PIWIL1: variants seen among roughly 807,000 people sequenced by gnomAD.
The protein encoded by PIWIL1 is piwi-like protein 1.
PIWIL1 carries 73 observed loss-of-function variants against 114.4 expected under a neutral mutation model. The ratio of observed to expected loss-of-function variants is 0.64; its 90% confidence interval spans 0.53 to 0.78. The LOEUF is 0.78. Among genes scored for constraint, PIWIL1 ranks in the 30% least tolerant of loss-of-function variants. The probability of loss-of-function intolerance (pLI) is 0.00; values close to 1 mark genes in which losing one functional copy is unlikely to be tolerated. For missense variants in PIWIL1, 723 were observed against 1,063.1 expected (o/e 0.68, Z 4.45); for synonymous variants, 375 against 369.0 (o/e 1.02, Z -0.19).
At chr12:130,414,268 C>T in the PIWIL1 span, 1 of 1,609,688 alleles carries the variant, frequency 6.2e-7, no homozygotes, top group Non-Finnish European at 8.5e-7. Flanking sequence ...TCTGACTCTT[C>T]ATAGAAGTCT....
At chr12:130,421,618 G>T in the PIWIL1 span, among the ~76,000 whole-genome samples, 1 of 152,038 alleles carries the variant, frequency 6.6e-6, no homozygotes. Flanking sequence ...TCCTCCTTGA[G>T]CCCTGTCATG....
At chr12:130,367,359 T>C (rs1441861302) in intron 19 of PIWIL1, 101 bp downstream of exon 19, 1 of 1,132,826 alleles carries the variant, frequency 8.8e-7, no homozygotes, top group Non-Finnish European at 1.2e-6. Flanking sequence ...TTACTTTTGT[T>C]CTTATATTTT....
At chr12:130,415,762 TTA>T in the PIWIL1 span, among the ~76,000 whole-genome samples, 5 of 152,154 alleles carry the variant, frequency 3.3e-5, no homozygotes, top group African/African-American at 1.2e-4. Context: ...AGAAGTCAAA[TTA>T]TCTCTCTTCA....
At chr12:130,410,176 C>A in the PIWIL1 span, among the ~76,000 whole-genome samples, 1 of 152,212 alleles carries the variant, frequency 6.6e-6, no homozygotes, top group Non-Finnish European at 1.5e-5. Flanking sequence ...TTGCCACCCA[C>A]ATATCGTCTT....
intron 3 of PIWIL1, among the ~76,000 whole-genome samples, chr12:130,343,666 C>T (rs1427346634): frequency 4.9e-5 from 7 of 142,136 alleles, no homozygotes; most frequent in Admixed American, 3.0e-4. Context: ...CACTCTGTCT[C>T]CCAGGCTGGA....
intron 3 of PIWIL1, 43 bp downstream of exon 3, chr12:130,343,144 A>G (rs2072972032): frequency 1.5e-6 from 2 of 1,331,160 alleles, no homozygotes; most frequent in East Asian, 2.4e-5. Context: ...TCTGTTCAAC[A>G]TATACAGCAA....
chr12:130,350,023 C>A (rs1255958563), intron 9 of PIWIL1, 56 bp downstream of exon 9: 1 of 957,690 alleles, frequency 1.0e-6, no homozygotes, highest in South Asian at 1.5e-5. Flanking sequence ...TGGTAGAATT[C>A]TCTAACACTT....
rs767593838 is a variant in PIWIL1 at position 130,348,094 on chromosome 12, C to A, written c.654-9C>A. The A allele has an allele frequency of 6.4e-7, 1 of 1,566,130 alleles. No homozygotes were observed. Among genetic ancestry groups the A allele is most frequent in the Non-Finnish European group, 8.8e-7 (1 of 1,137,692 alleles). ...ATCAATATTCACTCTCTGACCTTTCCATTTCTAGGCTTTTGAAAATCATGA... is the reference window on the plus strand; with the variant it reads ...ATCAATATTCACTCTCTGACCTTTCAATTTCTAGGCTTTTGAAAATCATGA... On this transcript the variant is annotated splice_polypyrimidine_tract_variant and intron_variant, in intron 6 of 20. Coordinates refer to ENST00000245255, the MANE Select transcript of PIWIL1 (RefSeq NM_004764.5).
At chr12:130,356,285 ATTT>A (rs200936813) in intron 12 of PIWIL1, among the ~76,000 whole-genome samples, 1 of 141,734 alleles carries the variant, frequency 7.1e-6, no homozygotes, top group Non-Finnish European at 1.6e-5. Flanking sequence ...CAACATTTTC[ATTT>A]TTTTTTTTTT....
chr12:130,394,285 T>A, the PIWIL1 span, among the ~76,000 whole-genome samples: 1 of 152,340 alleles, frequency 6.6e-6, no homozygotes, highest in East Asian at 1.9e-4. Flanking sequence ...TGAGAGGGGC[T>A]GCAGGAAGGG....
chr12:130,386,506 AC>A, the PIWIL1 span, among the ~76,000 whole-genome samples: 1 of 25,746 alleles, frequency 3.9e-5, no homozygotes, highest in Non-Finnish European at 7.3e-5. Flanking sequence ...CATGCACACT[AC>A]CCCCTTCCTG....
At chr12:130,422,339 T>A in the PIWIL1 span, 1 of 614,498 alleles carries the variant, frequency 1.6e-6, no homozygotes, top group Non-Finnish European at 2.9e-6. This position sits in a 1 kb window ranked among gnomAD's most constrained non-coding sequence, Gnocchi z 5.2. Context: ...TGAATAACAG[T>A]GTTCTTTGCT....
intron 4 of PIWIL1, 147 bp downstream of exon 4, chr12:130,346,025 A>G (rs2073059912): frequency 2.7e-6 from 2 of 732,068 alleles, no homozygotes; most frequent in South Asian, 2.1e-5. Context: ...TTGATGAAGT[A>G]GGTTATAGAT....
chr12:130,371,907 G>A lies in PIWIL1; in HGVS notation c.*309G>A, dbSNP rs956739173. 3 of 172,102 alleles carry A rather than the reference G, an allele frequency of 1.7e-5. No individual in the cohort carries two copies. The highest frequency in any genetic ancestry group is 3.7e-5 in the Non-Finnish European group (3 of 81,452). The allele number at this position is 172,102 out of a possible 1,614,324, so 10.7% of individuals were successfully genotyped here. The stretch of plus-strand genomic sequence containing the variant: ...GACTCTCTGAGAGTATTTGAAATGT[G>A]TTTGGAGATTTACTTAAACGTACTT... On this transcript the variant is annotated 3_prime_UTR_variant, in exon 21 of 21. Coordinates refer to ENST00000245255, the MANE Select transcript of PIWIL1 (RefSeq NM_004764.5).
the PIWIL1 span, among the ~76,000 whole-genome samples, chr12:130,392,514 T>G: frequency 1.1e-3 from 33 of 29,632 alleles, 6 homozygotes; most frequent in East Asian, 2.1e-3. Context: ...CAGTTACCTG[T>G]TGAATATTGA....
At chr12:130,414,013 G>A in the PIWIL1 span, 33 of 1,167,704 alleles carry the variant, frequency 2.8e-5, no homozygotes, top group Non-Finnish European at 4.1e-5. Context: ...CTCGCCCATG[G>A]CCTGCAGGAG....
chr12:130,376,136 A>G (rs1004162619), downstream of PIWIL1, among the ~76,000 whole-genome samples: 1 of 152,102 alleles, frequency 6.6e-6, no homozygotes, highest in African/African-American at 2.4e-5. Context: ...CACTCACATC[A>G]TCAGCTGTCT....
chr12:130,354,786 T>C (rs1405283614), intron 10 of PIWIL1, 102 bp from the exon 11 acceptor site: 1 of 1,430,446 alleles, frequency 7.0e-7, no homozygotes, highest in East Asian at 2.3e-5. Context: ...TTAAAACTGC[T>C]TTGTCTCCTG....
intron 1 of PIWIL1, chr12:130,342,304 T>C (rs1461674365): frequency 2.3e-6 from 1 of 438,908 alleles, no homozygotes; most frequent in African/African-American, 2.0e-5. Flanking sequence ...CTAAGTCTGT[T>C]TATAATAAAT....
Sources: allele counts gnomAD v4.1 joint callset (sites outside exome capture counted in the v4.1 genomes callset), GRCh38; gene constraint gnomAD v4.1.1; non-coding constraint Gnocchi (gnomAD v3.1); transcripts MANE v1.5; gene names NCBI Gene and HGNC (gene_info 2026-07-23, HGNC 2026-07-21).